The following AFDN variants were observed in gnomAD, a reference collection of about 807,000 sequenced individuals.
AFDN encodes afadin.
In AFDN, 68 loss-of-function variants were observed where a neutral mutation model predicts 216.6. The ratio of observed to expected loss-of-function variants is 0.31; its 90% confidence interval spans 0.26 to 0.38. AFDN has a LOEUF of 0.38. Ranked by LOEUF, AFDN falls within the 10% of genes least tolerant of loss-of-function variation. The pLI is 1.00. For missense variants in AFDN, 2,136 were observed against 2,342.0 expected (o/e 0.91, Z 1.82); for synonymous variants, 868 against 853.7 (o/e 1.02, Z -0.29).
intron 5 of AFDN, among the ~76,000 whole-genome samples, chr6:167,879,234 C>A (rs1785809829): frequency 6.6e-6 from 1 of 152,208 alleles, no homozygotes; most frequent in South Asian, 2.1e-4. Flanking sequence ...TCTAATACTA[C>A]TGTGGACTAG....
intron 23 of AFDN, among the ~76,000 whole-genome samples, chr6:167,935,827 T>C (rs960918378): frequency 7.2e-5 from 11 of 152,146 alleles, no homozygotes; most frequent in Non-Finnish European, 1.6e-4. Context: ...TGTTAGCATG[T>C]AAATTATAGT....
intron 1 of AFDN, among the ~76,000 whole-genome samples, chr6:167,838,582 G>A (rs1156640481): frequency 3.3e-5 from 5 of 152,110 alleles, no homozygotes; most frequent in Admixed American, 6.6e-5. Flanking sequence ...AACAATCTTC[G>A]AGAGGTTATC....
chr6:167,931,837 A>G (rs1321146176), intron 23 of AFDN, among the ~76,000 whole-genome samples: 1 of 152,184 alleles, frequency 6.6e-6, no homozygotes, highest in African/African-American at 2.4e-5. Flanking sequence ...GTGTGGCAGC[A>G]TCACATAGGA....
chr6:167,927,926 A>G (rs997850831), intron 23 of AFDN, among the ~76,000 whole-genome samples: 2 of 152,098 alleles, frequency 1.3e-5, no homozygotes, highest in Non-Finnish European at 2.9e-5. Context: ...CAGAATCACA[A>G]ATTACCCTAC....
chr6:167,955,719 A>G (rs1277204044), intron 30 of AFDN, among the ~76,000 whole-genome samples: 3 of 152,206 alleles, frequency 2.0e-5, no homozygotes, highest in African/African-American at 7.2e-5. Flanking sequence ...TTCTTTCTTT[A>G]GAAGATAATT....
At chr6:167,920,885 T>A (rs1024990693) in intron 21 of AFDN, among the ~76,000 whole-genome samples, 1 of 152,182 alleles carries the variant, frequency 6.6e-6, no homozygotes, top group African/African-American at 2.4e-5. Flanking sequence ...CTACTTAACA[T>A]GTCTTCCCCA....
At chr6:167,953,790 G>C (rs1796240579) in intron 30 of AFDN, among the ~76,000 whole-genome samples, 1 of 152,196 alleles carries the variant, frequency 6.6e-6, no homozygotes, top group South Asian at 2.1e-4. Flanking sequence ...GCTCCTGGGT[G>C]CACTAAGATG....
intron 9 of AFDN, among the ~76,000 whole-genome samples, chr6:167,896,664 T>C (rs888559116): frequency 6.6e-6 from 1 of 152,228 alleles, no homozygotes; most frequent in East Asian, 1.9e-4. Flanking sequence ...GTGTTAGCAC[T>C]TTGTGTTAAT....
intron 1 of AFDN, among the ~76,000 whole-genome samples, chr6:167,831,814 C>T (rs1031578871): frequency 6.6e-6 from 1 of 152,126 alleles, no homozygotes; most frequent in African/African-American, 2.4e-5. Context: ...AGCATTATTT[C>T]TAGGTGTTGG....
intron 1 of AFDN, among the ~76,000 whole-genome samples, chr6:167,853,554 T>G (rs561420615): frequency 6.6e-6 from 1 of 152,238 alleles, no homozygotes; most frequent in South Asian, 2.1e-4. Context: ...TGTCTTTTTT[T>G]GTTAAATAGT....
chr6:167,969,875 C>A lies in AFDN; in HGVS notation c.5436C>A (p.Ser1812=). ...QRLFSQGQDV[S]NKVKASRKLT... The stretch of plus-strand genomic sequence containing the variant: ...TTTTTTCACAAGGTCAAGATGTATC[C>A]AATAAAGTGAAAGCTTCTCGTAAAT... Residue 1812 remains serine, a synonymous_variant, in exon 34 of 34, where the codon TCC becomes TCA. Transcript: ENST00000683244. 6.2e-7 allele frequency: 1 copy of A among 1,612,150 alleles called. No individual in the cohort carries two copies. The highest frequency in any genetic ancestry group is 8.5e-7 in the Non-Finnish European group (1 of 1,179,330).
chr6:167,969,737 G>A (rs372601929), intron 33 of AFDN, 45 bp from the exon 34 acceptor site: 2 of 1,556,622 alleles, frequency 1.3e-6, no homozygotes, highest in Non-Finnish European at 1.7e-6. Context: ...TTGACAGGTT[G>A]TTTCTAGTTT....
Position 167,969,796 on chromosome 6 carries a change from C to G in AFDN, c.5357C>G (p.Ser1786Ter), listed in dbSNP as rs1797896926. Residue 1786 changes from serine (S) to a stop codon, truncating the protein, a stop_gained, in exon 34 of 34, where the codon TCA becomes TGA. Coordinates refer to ENST00000683244, the MANE Select transcript of AFDN (RefSeq NM_001386888.1). LOFTEE classifies it high-confidence loss of function. ...CTCTTCTGCAGCCAAGATGCAGATT[C>G]ACCTGGAAGTTCTGGGGCCCCTGAA... Reference protein sequence around the residue: ...EKRSKSQDADSPGSSGAPENL... With the variant: ...EKRSKSQDAD The G allele has an allele frequency of 1.2e-6, 2 of 1,610,130 alleles. No homozygotes were observed. Among genetic ancestry groups the G allele is most frequent in the Non-Finnish European group, 1.7e-6 (2 of 1,178,998 alleles).
intron 30 of AFDN, among the ~76,000 whole-genome samples, chr6:167,960,303 C>G (rs1322147685): frequency 6.6e-6 from 1 of 152,188 alleles, no homozygotes; most frequent in Non-Finnish European, 1.5e-5. Flanking sequence ...GAGCTGAACA[C>G]AAGTGGAGGC....
chr6:167,842,227 C>T (rs536402776), intron 1 of AFDN, among the ~76,000 whole-genome samples: 109 of 152,178 alleles, frequency 7.2e-4, no homozygotes, highest in African/African-American at 2.5e-3. Context: ...ACTGTGGGAC[C>T]ATAAAAGGCT....
chr6:167,879,484 C>T (rs955805967), intron 5 of AFDN, among the ~76,000 whole-genome samples: 5 of 152,152 alleles, frequency 3.3e-5, no homozygotes, highest in Non-Finnish European at 7.3e-5. Flanking sequence ...AGCCAGAGTG[C>T]ATACCTAGGG....
chr6:167,927,314 T>C (rs928552168), intron 23 of AFDN, among the ~76,000 whole-genome samples: 1 of 152,004 alleles, frequency 6.6e-6, no homozygotes, highest in Non-Finnish European at 1.5e-5. Context: ...CAAGCAGAGA[T>C]AGAAGAAACG....
At chr6:167,961,121 A>G (rs1796995685) in intron 30 of AFDN, among the ~76,000 whole-genome samples, 1 of 152,192 alleles carries the variant, frequency 6.6e-6, no homozygotes, top group African/African-American at 2.4e-5. Context: ...TAACATTGTT[A>G]TATTTCTACT....
At chr6:167,828,445 G>C (rs1019473472) in intron 1 of AFDN, among the ~76,000 whole-genome samples, 1 of 152,170 alleles carries the variant, frequency 6.6e-6, no homozygotes. Flanking sequence ...TGGGTAGCTA[G>C]CCATTTGTCT....
Sources: gnomAD v4.1 joint callset for allele counts (sites outside exome capture counted in the v4.1 genomes callset) on GRCh38, gnomAD v4.1.1 for gene constraint, MANE v1.5 for transcripts, NCBI Gene and HGNC (gene_info 2026-07-23, HGNC 2026-07-21) for gene names.